Variants in RICTOR observed in about 807,000 individuals in gnomAD.
The protein encoded by RICTOR is RPTOR independent companion of MTOR complex 2.
Under a neutral mutation model 214.9 loss-of-function variants are expected in RICTOR, and 49 were observed. The observed-to-expected ratio is 0.23, with a 90% CI of 0.18 to 0.29. The LOEUF is 0.29. Ranked by LOEUF, RICTOR falls within the 10% of genes least tolerant of loss-of-function variation. The probability of loss-of-function intolerance (pLI) is 1.00; values close to 1 mark genes in which losing one functional copy is unlikely to be tolerated. For synonymous variants in RICTOR, 717 were observed against 711.3 expected, an observed-to-expected ratio of 1.01 and a Z score of -0.13; for missense variants, 1,625 against 2,047.0, an observed-to-expected ratio of 0.79 and a Z score of 3.98.
At chr5:39,032,840 CTAG>C (rs1181549400) in intron 2 of RICTOR, among the ~76,000 whole-genome samples, 1 of 152,196 alleles carries the variant, frequency 6.6e-6, no homozygotes, top group Non-Finnish European at 1.5e-5. Context: ...CAAGATGGCA[CTAG>C]GTCCCTTTAA....
intron 3 of RICTOR, among the ~76,000 whole-genome samples, chr5:39,006,414 G>A (rs1040474927): frequency 1.3e-5 from 2 of 151,908 alleles, no homozygotes; most frequent in African/African-American, 4.8e-5. Flanking sequence ...TTGATTTATT[G>A]CGGCTAACTG....
intron 2 of RICTOR, 80 bp downstream of exon 2, chr5:39,074,031 C>T (rs1220583644): frequency 2.8e-6 from 3 of 1,086,682 alleles, no homozygotes; most frequent in Admixed American, 8.7e-5. Flanking sequence ...CGGGGCCCGC[C>T]CCTGCCTCTG....
chr5:39,054,492 T>C (rs1483197144), intron 2 of RICTOR, among the ~76,000 whole-genome samples: 1 of 152,248 alleles, frequency 6.6e-6, no homozygotes, highest in Non-Finnish European at 1.5e-5. Context: ...CTTCTTCATA[T>C]TCCCAAGGAT....
At chr5:39,019,012 G>C (rs953588482) in intron 3 of RICTOR, among the ~76,000 whole-genome samples, 1 of 152,168 alleles carries the variant, frequency 6.6e-6, no homozygotes, top group Non-Finnish European at 1.5e-5. Flanking sequence ...TAGTGGTCCA[G>C]ATAGAAGATT....
chr5:38,957,642 A>T lies in RICTOR; in HGVS notation c.2499+10T>A, dbSNP rs1298953934. ...CACACAAATTCAACTTTATTCAAAT[A>T]AGAAGTTACCCTGTGCCACTTTTCC... On this transcript the variant is annotated intron_variant, in intron 25 of 37. Transcript: ENST00000357387. 4 of 1,415,252 alleles carry T rather than the reference A, an allele frequency of 2.8e-6. No homozygotes were observed. The highest frequency in any genetic ancestry group is 4.7e-5 in the East Asian group (2 of 42,972). The allele number at this position is 1,415,252 out of a possible 1,614,324, so 87.7% of individuals were successfully genotyped here.
At chr5:39,033,996 CCTTT>C (rs755357203) in intron 2 of RICTOR, among the ~76,000 whole-genome samples, 2 of 152,272 alleles carry the variant, frequency 1.3e-5, no homozygotes, top group South Asian at 2.1e-4. Flanking sequence ...AAAACATCTG[CCTTT>C]CTTTAATTCC....
chr5:38,983,046 C>T (rs887951404), intron 7 of RICTOR, among the ~76,000 whole-genome samples: 1 of 152,014 alleles, frequency 6.6e-6, no homozygotes, highest in African/African-American at 2.4e-5. Context: ...TGAACAATGT[C>T]CCACTCAACA....
rs1467196791 is a variant in RICTOR, at chr5:38,940,928, G to A, written c.*1376C>T. On this transcript the variant is annotated 3_prime_UTR_variant, in exon 38 of 38. Coordinates refer to ENST00000357387, the MANE Select transcript of RICTOR (RefSeq NM_152756.5). Reference sequence around the variant, plus strand: ...ACTGATGTGTAATTGTAATAAAAATGTTATACACAAATGAATTAAAAAAGA... The same window carrying A: ...ACTGATGTGTAATTGTAATAAAAATATTATACACAAATGAATTAAAAAAGA... 3.0e-5 allele frequency: 7 copies of A among 232,242 alleles called. No homozygotes were observed. The highest frequency in any genetic ancestry group is 1.8e-4 in the South Asian group (1 of 5,512). 14.4% of individuals were successfully genotyped at this position (232,242 alleles called of 1,614,324 possible). A position where few individuals can be genotyped will look rare whatever the true frequency, so the allele number is the denominator to read the frequency against.
Position 39,068,480 on chromosome 5 carries a change from C to A in RICTOR, c.97+5631G>T, listed in dbSNP as rs546281128. 5.9e-5 allele frequency among the ~76,000 whole-genome samples: 9 copies of A among 152,114 alleles called. No individual in the cohort carries two copies. In the South Asian group the frequency reaches 1.9e-3, roughly 32 times the overall value. On this transcript the variant is annotated intron_variant, in intron 2 of 37. Coordinates refer to ENST00000357387, the MANE Select transcript of RICTOR (RefSeq NM_152756.5). ...AGAAGAAAACCATATGGGAGTAAAT[C>A]AAAAAAGGCCTTGAATGCCAAACTA...
chr5:38,953,083 G>A lies in RICTOR; in HGVS notation c.2799C>T (p.Ile933=), dbSNP rs554815924. ...LKASLWALGN[I]GSSNWGLNLL... is the part of the protein sequence containing the mutation. ...AATTGAGACCCCAATTTGATGAGCC[G>A]ATATTTCCCTGAAAGAAAAGAAATC... The change falls in exon 29 of 38, where the codon ATC becomes ATT. Residue 933 remains isoleucine (I), a synonymous_variant. Transcript: ENST00000357387. 4.6e-5 allele frequency: 74 copies of A among 1,595,758 alleles called. No homozygotes were observed. Among genetic ancestry groups the A allele is most frequent in the South Asian group, 3.2e-4 (29 of 89,992 alleles).
rs2150032597 is a variant in RICTOR at position 38,967,341 on chromosome 5, A to T, written c.1147T>A (p.Ser383Thr). ...CCTTTTTATTTTAAATTCTACCTGG[A>T]TCTGGCACGATGAGGAAGAATAGTT... ...AKTILPHRAR[S>T]RPDLMDNYLA... Residue 383 changes from serine (S) to threonine (T), a missense_variant, in exon 13 of 38, where the codon TCC becomes ACC. Ser to Thr is a moderately conservative substitution (Grantham distance 58, BLOSUM62 1). Coordinates refer to ENST00000357387, the MANE Select transcript of RICTOR (RefSeq NM_152756.5). 2 of 1,612,908 alleles carry T rather than the reference A, an allele frequency of 1.2e-6. No individual in the cohort carries two copies. The highest frequency in any genetic ancestry group is 1.7e-6 in the Non-Finnish European group (2 of 1,179,124).
intron 7 of RICTOR, among the ~76,000 whole-genome samples, chr5:38,982,424 C>T (rs1382257675): frequency 6.6e-6 from 1 of 152,122 alleles, no homozygotes; most frequent in Admixed American, 6.6e-5. Context: ...TTATTAAACA[C>T]ACACATAGAA....
At chr5:38,960,070 A>C in intron 20 of RICTOR, 92 bp from the exon 21 acceptor site, 1 of 886,540 alleles carries the variant, frequency 1.1e-6, no homozygotes, top group South Asian at 1.4e-5. Context: ...ACTTACTAAT[A>C]ATGATGAAGT....
intron 36 of RICTOR, chr5:38,943,224 T>C (rs1047379961): frequency 1.4e-5 from 5 of 360,784 alleles, no homozygotes. Context: ...CATTCTTTTT[T>C]ATTGGCATGA....
chr5:38,965,105 A>G (rs1490149628), intron 15 of RICTOR, among the ~76,000 whole-genome samples: 1 of 151,874 alleles, frequency 6.6e-6, no homozygotes. Flanking sequence ...ATACACACAT[A>G]TTAACATAAC....
At chr5:39,000,952 C>T (rs1288064403) in intron 5 of RICTOR, among the ~76,000 whole-genome samples, 1 of 151,964 alleles carries the variant, frequency 6.6e-6, no homozygotes, top group Admixed American at 6.5e-5. Context: ...ACACACACTA[C>T]TAAATACTGT....
At chr5:39,006,761 A>AGGAGGGGAGG (rs1754095156) in intron 3 of RICTOR, among the ~76,000 whole-genome samples, 2 of 29,312 alleles carry the variant, frequency 6.8e-5, no homozygotes, top group Non-Finnish European at 1.2e-4. Flanking sequence ...AGGAGGGGAG[A>AGGAGGGGAGG]GGAGGGGAGA....
At chr5:39,004,141 TATTATTC>T (rs2150108435) in intron 3 of RICTOR, among the ~76,000 whole-genome samples, 1 of 152,322 alleles carries the variant, frequency 6.6e-6, no homozygotes, top group East Asian at 1.9e-4. Context: ...TTACCCTTTT[TATTATTC>T]ATCATTTTGA....
chr5:38,956,105 C>T (rs142923423), intron 25 of RICTOR, among the ~76,000 whole-genome samples: 1 of 152,088 alleles, frequency 6.6e-6, no homozygotes, highest in African/African-American at 2.4e-5. Context: ...TCCAATCAGC[C>T]CACAAATTCT....
Sources: gnomAD v4.1 joint callset for allele counts (sites outside exome capture counted in the v4.1 genomes callset) on GRCh38, gnomAD v4.1.1 for gene constraint, MANE v1.5 for transcripts, NCBI Gene and HGNC (gene_info 2026-07-23, HGNC 2026-07-21) for gene names.